The following CHMP7 variants were observed in gnomAD, a reference collection of about 807,000 sequenced individuals.
CHMP7 encodes the protein CHMP family, member 7.
Under a neutral mutation model 53.7 loss-of-function variants are expected in CHMP7, and 15 were observed. That is an observed-to-expected ratio of 0.28 (90% confidence interval 0.19 to 0.43). CHMP7 has a LOEUF of 0.43. Ranked by LOEUF, CHMP7 falls within the 20% of genes least tolerant of loss-of-function variation. CHMP7 has a pLI of 1.00. For missense variants in CHMP7, 527 were observed against 569.4 expected (o/e 0.93, Z 0.76); for synonymous variants, 261 against 228.0 (o/e 1.14, Z -1.30).
In CHMP7 at chr8:23,258,877, AGG is replaced by A. The variant is rs781337050; in HGVS notation, c.1059+48_1059+49del. ...GGACACACAGAGAAGGAGGTGACAGAGGACAGATTTGACTTCATTGCACATCC... is the reference window on the plus strand; with the variant it reads ...GGACACACAGAGAAGGAGGTGACAGAACAGATTTGACTTCATTGCACATCC... On this transcript the variant is annotated intron_variant, in intron 8 of 10. Coordinates refer to ENST00000397677, the MANE Select transcript of CHMP7 (RefSeq NM_152272.5). 3.6e-5 allele frequency: 49 copies of A among 1,368,328 alleles called. 1 individual carries two copies. The highest frequency in any genetic ancestry group is 5.0e-5 in the Non-Finnish European group (48 of 958,558). The allele number at this position is 1,368,328 out of a possible 1,614,324, so 84.8% of individuals were successfully genotyped here. A position where few individuals can be genotyped will look rare whatever the true frequency, so the allele number is the denominator to read the frequency against.
rs556553228 is a variant in CHMP7 at position 23,257,777 on chromosome 8, G to A, written c.792-256G>A. The stretch of plus-strand genomic sequence containing the variant: ...CAAAACAGGAAGATGTGTATAATGT[G>A]CCCTGTTTGCATGTTCTGTCCCTGT... On this transcript the variant is annotated intron_variant, in intron 5 of 10. Transcript: ENST00000397677. 3.3e-5 allele frequency among the ~76,000 whole-genome samples: 5 copies of A among 152,340 alleles called. No individual in the cohort carries two copies. The East Asian group carries it at 9.6e-4, about 29-fold the overall frequency.
intron 3 of CHMP7, among the ~76,000 whole-genome samples, chr8:23,250,343 C>T (rs1439641074): frequency 2.0e-5 from 3 of 152,158 alleles, no homozygotes; most frequent in South Asian, 4.1e-4. Flanking sequence ...GTCTGCTCTG[C>T]GTCTACCCTG....
Position 23,246,736 on chromosome 8 carries a change from G to C in CHMP7, c.41G>C (p.Gly14Ala), listed in dbSNP as rs973607314. ...PEREAEAPAG[G>A]DPAGLLPPEW... The stretch of plus-strand genomic sequence containing the variant: ...CGGGAGGCCGAGGCCCCAGCCGGGG[G>C]AGACCCGGCGGGCCTTCTGCCCCCC... Residue 14 changes from glycine to alanine, a missense_variant, in exon 2 of 11, where the codon GGA becomes GCA. By Grantham distance (60) the Gly-to-Ala change is moderately conservative. Coordinates refer to ENST00000397677, the MANE Select transcript of CHMP7 (RefSeq NM_152272.5). 6.4e-7 allele frequency: 1 copy of C among 1,551,236 alleles called. No homozygotes were observed. The highest frequency in any genetic ancestry group is 8.7e-7 in the Non-Finnish European group (1 of 1,147,692).
chr8:23,260,558 T>A lies in CHMP7; in HGVS notation c.1321T>A (p.Ser441Thr). ...SEGGLVPSSK[S>T]PKRQLEPTLK... Reference sequence around the variant, plus strand: ...TGCAGGTTTGGTCCCAAGCAGTAAATCTCCAAAAAGGCAATTGGAACCGAC... The same window carrying A: ...TGCAGGTTTGGTCCCAAGCAGTAAAACTCCAAAAAGGCAATTGGAACCGAC... Residue 441 changes from serine (S) to threonine (T), a missense_variant, in exon 11 of 11, where the codon TCT (serine) becomes ACT (threonine). Physicochemically the swap from Ser to Thr is moderately conservative, Grantham distance 58. Coordinates refer to ENST00000397677, the MANE Select transcript of CHMP7 (RefSeq NM_152272.5). The A allele has an allele frequency of 1.9e-6, 3 of 1,613,440 alleles. No homozygotes were observed. Among genetic ancestry groups the A allele is most frequent in the Non-Finnish European group, 2.5e-6 (3 of 1,179,412 alleles).
chr8:23,254,544 G>A lies in CHMP7; in HGVS notation c.472-703G>A, dbSNP rs192436757. ...CAAGTAGCTGGGATTACAGGTGCCC[G>A]CCATCACATCCAGCTATTTTTTTTT... is the stretch of plus-strand genomic sequence containing the variant. On this transcript the variant is annotated intron_variant, in intron 3 of 10. Coordinates refer to ENST00000397677, the MANE Select transcript of CHMP7 (RefSeq NM_152272.5). Among the ~76,000 whole-genome samples, 34 of 148,288 alleles carry A rather than the reference G, an allele frequency of 2.3e-4. No individual in the cohort carries two copies. The East Asian group carries it at 6.1e-3, about 27-fold the overall frequency.
intron 6 of CHMP7, 69 bp from the exon 7 acceptor site, chr8:23,258,261 G>A: frequency 6.3e-7 from 1 of 1,598,254 alleles, no homozygotes; most frequent in Non-Finnish European, 8.6e-7. Context: ...TAGCGTCTGG[G>A]AAGGGCTGTC....
intron 8 of CHMP7, 74 bp downstream of exon 8, chr8:23,258,904 C>T: frequency 1.7e-6 from 2 of 1,165,014 alleles, no homozygotes; most frequent in South Asian, 2.5e-5. Flanking sequence ...ATTGCACATC[C>T]TCTTTAACGA....
Position 23,261,021 on chromosome 8 carries a change from A to G in CHMP7, c.*422A>G, listed in dbSNP as rs1256857373. On this transcript the variant is annotated 3_prime_UTR_variant, in exon 11 of 11. Coordinates refer to ENST00000397677, the MANE Select transcript of CHMP7 (RefSeq NM_152272.5). ...TTTAGAGGGGTTTATCCTGTCGCTAATGTCAGTTAAATAGCTTATTCCTGT... is the reference window on the plus strand; with the variant it reads ...TTTAGAGGGGTTTATCCTGTCGCTAGTGTCAGTTAAATAGCTTATTCCTGT... 5.1e-6 allele frequency: 1 copy of G among 194,748 alleles called. No homozygotes were observed. The highest frequency in any genetic ancestry group is 2.3e-5 in the African/African-American group (1 of 42,834). The allele number at this position is 194,748 out of a possible 1,614,324, so 12.1% of individuals were successfully genotyped here.
At chr8:23,248,031 C>T (rs778958236) in intron 2 of CHMP7, 90 of 455,694 alleles carry the variant, frequency 2.0e-4, no homozygotes, top group Middle Eastern at 2.0e-3. Flanking sequence ...AGGATGGTCT[C>T]GAACTCCTGC....
chr8:23,259,040 C>G (rs761415397), intron 8 of CHMP7, 26 bp from the exon 9 acceptor site: 1 of 1,543,514 alleles, frequency 6.5e-7, no homozygotes, highest in Non-Finnish European at 9.0e-7. Context: ...ATGCCCAGCT[C>G]AAGGCTTTGC....
intron 4 of CHMP7, 62 bp downstream of exon 4, chr8:23,255,494 T>C (rs1802089565): frequency 2.7e-6 from 4 of 1,508,544 alleles, no homozygotes; most frequent in Non-Finnish European, 2.8e-6. Flanking sequence ...CATAGAGTAG[T>C]GAGCCCTTAT....
Position 23,246,351 on chromosome 8 carries a change from C to T in CHMP7, c.-345C>T. 1 of 293,430 alleles carries T rather than the reference C, an allele frequency of 3.4e-6. No homozygotes were observed. The highest frequency in any genetic ancestry group is 1.1e-3 in the Middle Eastern group (1 of 932). The allele number at this position is 293,430 out of a possible 1,614,324, so 18.2% of individuals were successfully genotyped here. A position where few individuals can be genotyped will look rare whatever the true frequency, so the allele number is the denominator to read the frequency against. ...TTCTGAAGCCACAGGTCAGAAGCCG[C>T]TGTACAACGCTTTGCCGAACTCCAG... On this transcript the variant is annotated 5_prime_UTR_variant, in exon 2 of 11. Coordinates refer to ENST00000397677, the MANE Select transcript of CHMP7 (RefSeq NM_152272.5).
intron 3 of CHMP7, 42 bp from the exon 4 acceptor site, chr8:23,255,205 G>T (rs769043535): frequency 6.2e-6 from 10 of 1,606,560 alleles, no homozygotes; most frequent in Non-Finnish European, 8.5e-6. Context: ...GCATCCCATG[G>T]CAGTGGCCAG....
At chr8:23,257,557 G>A (rs962160166) in intron 5 of CHMP7, among the ~76,000 whole-genome samples, 3 of 152,238 alleles carry the variant, frequency 2.0e-5, no homozygotes, top group African/African-American at 7.2e-5. Context: ...CCTTTGCAGA[G>A]GTCTTTCTGA....
chr8:23,249,872 G>T (rs756856092), intron 3 of CHMP7, among the ~76,000 whole-genome samples: 47 of 152,082 alleles, frequency 3.1e-4, no homozygotes, highest in Non-Finnish European at 5.4e-4. Flanking sequence ...TCCCGTCCTA[G>T]CCTCCTGGTC....
chr8:23,259,238 G>A (rs1391027931), intron 9 of CHMP7, 112 bp downstream of exon 9: 60 of 555,124 alleles, frequency 1.1e-4, no homozygotes, highest in African/African-American at 2.4e-4. Flanking sequence ...GCGGGATCTC[G>A]GCTCACTGCA....
chr8:23,245,702 ACTTTTTT>A (rs1489544393), intron 1 of CHMP7, among the ~76,000 whole-genome samples: 1 of 65,734 alleles, frequency 1.5e-5, no homozygotes, highest in African/African-American at 3.0e-5. Flanking sequence ...AACTGGTACA[ACTTTTTT>A]CTTAAATATT....
At position 23,258,093 on chromosome 8, in the gene CHMP7, T is replaced by C. The variant is rs1326043746; in HGVS notation, c.840+12T>C. The C allele has an allele frequency of 6.2e-7, 1 of 1,610,108 alleles. No individual in the cohort carries two copies. Among genetic ancestry groups the C allele is most frequent in the East Asian group, 2.2e-5 (1 of 44,846 alleles). ...GAAAGAAGCAGCTGGTGAGTTCTTG[T>C]CTCCTCCAGACCCATAGCAGTGCCC... is the stretch of plus-strand genomic sequence containing the variant. On this transcript the variant is annotated intron_variant, in intron 6 of 10. Coordinates refer to ENST00000397677, the MANE Select transcript of CHMP7 (RefSeq NM_152272.5).
rs968185377 is a variant in CHMP7, at chr8:23,260,687, G to A, written c.*88G>A. 4 of 1,037,400 alleles carry A rather than the reference G, an allele frequency of 3.9e-6. No homozygotes were observed. Among genetic ancestry groups the A allele is most frequent in the Non-Finnish European group, 4.5e-6 (3 of 659,646 alleles). 64.3% of individuals were successfully genotyped at this position (1,037,400 alleles called of 1,614,324 possible). ...TATTTAAACAAGAAACTCTCAGAAT[G>A]TGTTTGGAAGAGGAGAAAGGAGAAC... On this transcript the variant is annotated 3_prime_UTR_variant, in exon 11 of 11. Coordinates refer to ENST00000397677, the MANE Select transcript of CHMP7 (RefSeq NM_152272.5).
Sources: gnomAD v4.1 joint callset for allele counts (sites outside exome capture counted in the v4.1 genomes callset) on GRCh38, gnomAD v4.1.1 for gene constraint, MANE v1.5 for transcripts, NCBI Gene and HGNC (gene_info 2026-07-23, HGNC 2026-07-21) for gene names.